Variants in CACNA1G observed in about 807,000 individuals in gnomAD.
CACNA1G encodes calcium voltage-gated channel subunit alpha1 G.
A neutral mutation model predicts 219.4 loss-of-function variants in CACNA1G; 67 were observed. The observed-to-expected ratio is 0.31, with a 90% CI of 0.25 to 0.37. The LOEUF is 0.37. Ranked by LOEUF, CACNA1G falls within the 10% of genes least tolerant of loss-of-function variation. The probability of loss-of-function intolerance (pLI) is 1.00; values close to 1 mark genes in which losing one functional copy is unlikely to be tolerated. For synonymous variants in CACNA1G, 1,296 were observed against 1,345.3 expected (o/e 0.96, Z 0.80); for missense variants, 2,380 against 3,231.4 (o/e 0.74, Z 6.39).
Position 50,578,688 on chromosome 17 carries a change from G to C in CACNA1G, c.2301+124G>C. 9.4e-6 allele frequency: 9 copies of C among 954,542 alleles called. No individual in the cohort carries two copies. The highest frequency in any genetic ancestry group is 1.4e-5 in the Non-Finnish European group (9 of 662,186). The allele number at this position is 954,542 out of a possible 1,614,324, so 59.1% of individuals were successfully genotyped here. On this transcript the variant is annotated intron_variant, in intron 9 of 37. Coordinates refer to ENST00000359106, the MANE Select transcript of CACNA1G (RefSeq NM_018896.5). This position sits in a 1 kb window ranked among gnomAD's most constrained non-coding sequence, Gnocchi z 4.5. ...CCTCTCCATGCTGCTAGCCCACCTG[G>C]CAGGTAGGAGGGGAGGTGGGTGATG...
chr17:50,568,764 A>T, intron 1 of CACNA1G, 106 bp from the exon 2 acceptor site: 1 of 838,258 alleles, frequency 1.2e-6, no homozygotes. Context: ...ACACCTGCTT[A>T]GCCTCAGATG....
At chr17:50,610,674 A>G (rs2146060129) in intron 26 of CACNA1G, among the ~76,000 whole-genome samples, 1 of 152,196 alleles carries the variant, frequency 6.6e-6, no homozygotes, top group Admixed American at 6.5e-5. Flanking sequence ...CTATGTCTCC[A>G]GCTGGTGGTT....
rs916169498 is a variant in CACNA1G, at chr17:50,578,969, G to A, written c.2301+405G>A. Among the ~76,000 whole-genome samples the A allele has an allele frequency of 7.9e-5, 12 of 152,100 alleles. No homozygotes were observed. The highest frequency in any genetic ancestry group is 6.2e-4 in the South Asian group (3 of 4,824). ...GGCATCCATCTGACCCACTAAGTCC[G>A]GGTGTGACTGATTGGAGGCAGGAGG... On this transcript the variant is annotated intron_variant, in intron 9 of 37. Coordinates refer to ENST00000359106, the MANE Select transcript of CACNA1G (RefSeq NM_018896.5). The surrounding 1 kb of genome is among the most constrained non-coding windows in gnomAD (Gnocchi z 4.5).
intron 13 of CACNA1G, among the ~76,000 whole-genome samples, chr17:50,593,652 C>T (rs2044848444): frequency 6.6e-6 from 1 of 152,234 alleles, no homozygotes; most frequent in Non-Finnish European, 1.5e-5. Context: ...TGTGAGGGCT[C>T]AACAAGGCCC....
intron 4 of CACNA1G, 58 bp downstream of exon 4, chr17:50,569,861 T>G: frequency 7.6e-7 from 1 of 1,307,842 alleles, no homozygotes; most frequent in Non-Finnish European, 1.1e-6. Context: ...AATGTGGAAC[T>G]CTCAGACCCC....
At chr17:50,612,258 A>G (rs1326999463) in intron 26 of CACNA1G, among the ~76,000 whole-genome samples, 1 of 152,228 alleles carries the variant, frequency 6.6e-6, no homozygotes, top group Non-Finnish European at 1.5e-5. Context: ...CCTCCCTGCT[A>G]GCACTCCTGT....
In CACNA1G at chr17:50,618,996, G is replaced by A. The variant is rs1469770898; in HGVS notation, c.5769G>A (p.Leu1923=). 8 of 1,530,034 alleles carry A rather than the reference G, an allele frequency of 5.2e-6. No homozygotes were observed. Among genetic ancestry groups the A allele is most frequent in the Middle Eastern group, 1.9e-4 (1 of 5,342 alleles). The allele number at this position is 1,530,034 out of a possible 1,614,324, so 94.8% of individuals were successfully genotyped here. A position where few individuals can be genotyped will look rare whatever the true frequency, so the allele number is the denominator to read the frequency against. The change falls in exon 33 of 38, where the codon CTG becomes CTA. Residue 1923 remains leucine, a synonymous_variant. Coordinates refer to ENST00000359106, the MANE Select transcript of CACNA1G (RefSeq NM_018896.5). The surrounding 1 kb of genome is among the most constrained non-coding windows in gnomAD (Gnocchi z 5.3). The part of the protein sequence containing the change: ...AHARSASHFS[L]EHPTDRQLFD... ...CGAGATCAGCCTCCCACTTTTCCCT[G>A]GAGCACCCCACGGTGAGCAGACACC...
Position 50,576,322 on chromosome 17 carries a change from T to C in CACNA1G, c.1920T>C (p.Ser640=), listed in dbSNP as rs1274844614. The change falls in exon 8 of 38, where the codon AGT becomes AGC. Residue 640 remains serine (S), a synonymous_variant. Coordinates refer to ENST00000359106, the MANE Select transcript of CACNA1G (RefSeq NM_018896.5). ...SSMHKLLETQ[S]TGACQSSCKI... ...TGCACAAGCTGCTGGAGACACAGAG[T>C]ACAGGTGAGAACTCTGGGTGGAGGC... The C allele has an allele frequency of 5.7e-6, 9 of 1,568,362 alleles. No homozygotes were observed. Among genetic ancestry groups the C allele is most frequent in the African/African-American group, 1.4e-5 (1 of 73,736 alleles).
intron 16 of CACNA1G, among the ~76,000 whole-genome samples, 171 bp downstream of exon 16, chr17:50,597,094 A>G (rs2045726163): frequency 6.6e-6 from 1 of 152,068 alleles, no homozygotes; most frequent in Admixed American, 6.5e-5. Flanking sequence ...GATGCAAACC[A>G]GGGTAGGAGC....
intron 16 of CACNA1G, among the ~76,000 whole-genome samples, chr17:50,599,212 G>A (rs931315547): frequency 5.9e-5 from 9 of 152,212 alleles, no homozygotes; most frequent in African/African-American, 1.4e-4. Flanking sequence ...TTACAGATGA[G>A]GAAACAGATG....
chr17:50,627,177 T>C lies in CACNA1G; in HGVS notation c.*426T>C, dbSNP rs2053948016. 1 of 455,544 alleles carries C rather than the reference T, an allele frequency of 2.2e-6. No homozygotes were observed. Among genetic ancestry groups the C allele is most frequent in the African/African-American group, 2.0e-5 (1 of 50,050 alleles). The allele number at this position is 455,544 out of a possible 1,614,324, so 28.2% of individuals were successfully genotyped here. ...GAAGGCGTCTGTCTCTTGGCTATTT[T>C]AACCTAAAATAACAGTCTAGTTATA... On this transcript the variant is annotated 3_prime_UTR_variant, in exon 38 of 38. Coordinates refer to ENST00000359106, the MANE Select transcript of CACNA1G (RefSeq NM_018896.5).
chr17:50,617,997 C>T lies in CACNA1G; in HGVS notation c.5227-51C>T. 1 of 1,612,408 alleles carries T rather than the reference C, an allele frequency of 6.2e-7. No homozygotes were observed. The highest frequency in any genetic ancestry group is 1.7e-5 in the Admixed American group (1 of 60,006). On this transcript the variant is annotated intron_variant, in intron 30 of 37. Transcript: ENST00000359106. This position sits in a 1 kb window ranked among gnomAD's most constrained non-coding sequence, Gnocchi z 5.8. ...TCCAGAGGGAAGGGGCTCAGAGAAG[C>T]TGACTGGGAGACCCAGCGGCATCGT...
At position 50,609,847 on chromosome 17, in the gene CACNA1G, CG is replaced by C. The variant is rs771448923; in HGVS notation, c.4706-33del. The C allele has an allele frequency of 5.0e-6, 8 of 1,602,850 alleles. No homozygotes were observed. In the African/African-American group the frequency reaches 6.7e-5, roughly 13 times the overall value. On this transcript the variant is annotated intron_variant, in intron 25 of 37. Coordinates refer to ENST00000359106, the MANE Select transcript of CACNA1G (RefSeq NM_018896.5). ...GGGGCCCTGCCCAGCGCACCTGGTC[CG>C]GCCAGTGACCAATGTCGTGTTTCGT...
At position 50,576,042 on chromosome 17, in the gene CACNA1G, C is replaced by G; in HGVS notation, c.1640C>G (p.Pro547Arg). 1 of 1,573,928 alleles carries G rather than the reference C, an allele frequency of 6.4e-7. No individual in the cohort carries two copies. The highest frequency in any genetic ancestry group is 1.2e-5 in the South Asian group (1 of 85,598). The change falls in exon 8 of 38, where the codon CCT becomes CGT. Residue 547 changes from proline to arginine, a missense_variant. Around this residue, in one of 17 missense-constraint regions of CACNA1G, gnomAD observed 434 missense variants for 417.3 expected, o/e 1.04. Coordinates refer to ENST00000359106, the MANE Select transcript of CACNA1G (RefSeq NM_018896.5). ...PSTPALSGAPPGGAESVHSFY... is the reference protein window; with the variant it reads ...PSTPALSGAPRGGAESVHSFY... ...ACGCCTGCCCTCTCCGGGGCCCCCC[C>G]TGGTGGCGCAGAGTCTGTGCACAGC...
chr17:50,618,609 A>G lies in CACNA1G; in HGVS notation c.5428-46A>G. ...TGACCTGATTTTCCACAACAGCTCC[A>G]ACAACTGTCCTCCCCAGCCTCACCC... is the stretch of plus-strand genomic sequence containing the variant. On this transcript the variant is annotated intron_variant, in intron 32 of 37. Transcript: ENST00000359106. This position sits in a 1 kb window ranked among gnomAD's most constrained non-coding sequence, Gnocchi z 5.3. 1 of 1,448,300 alleles carries G rather than the reference A, an allele frequency of 6.9e-7. No individual in the cohort carries two copies. Among genetic ancestry groups the G allele is most frequent in the Non-Finnish European group, 9.6e-7 (1 of 1,041,422 alleles). 89.7% of individuals were successfully genotyped at this position (1,448,300 alleles called of 1,614,324 possible).
chr17:50,580,921 A>G (rs198553), intron 9 of CACNA1G, among the ~76,000 whole-genome samples: 7,633 of 151,974 alleles, frequency 0.05, 250 homozygotes, highest in Non-Finnish European at 0.06. Context: ...CTGGAGCCTG[A>G]GCAGGCTGGG....
Position 50,626,748 on chromosome 17 carries a change from C to T in CACNA1G, c.7131C>T (p.Pro2377=). The T allele has an allele frequency of 6.2e-7, 1 of 1,613,120 alleles. No homozygotes were observed. The change falls in exon 38 of 38, where the codon CCC becomes CCT. Residue 2377 remains proline (P), a synonymous_variant. Transcript: ENST00000359106. This position sits in a 1 kb window ranked among gnomAD's most constrained non-coding sequence, Gnocchi z 4.3. The part of the protein sequence containing the change: ...GLSSDPADLD[P] Reference sequence around the variant, plus strand: ...CCTCTGACCCAGCAGACCTGGACCCCTGAGTCCTGCCCCACTTTCCCACTC... The same window carrying T: ...CCTCTGACCCAGCAGACCTGGACCCTTGAGTCCTGCCCCACTTTCCCACTC...
chr17:50,606,052 T>A (rs372346508), intron 23 of CACNA1G, 29 bp downstream of exon 23: 2 of 1,613,676 alleles, frequency 1.2e-6, no homozygotes, highest in Non-Finnish European at 1.7e-6. Context: ...GGTGGGGCTG[T>A]GGTGAAGGAG....
In CACNA1G at chr17:50,606,986, G is replaced by A; in HGVS notation, c.4509G>A (p.Gln1503=). 1 of 1,612,822 alleles carries A rather than the reference G, an allele frequency of 6.2e-7. No homozygotes were observed. Among genetic ancestry groups the A allele is most frequent in the Non-Finnish European group, 8.5e-7 (1 of 1,178,810 alleles). The part of the protein sequence containing the change: ...YDGLDAVGVD[Q]QPIMNHNPWM... ...GGCTGGATGCTGTGGGCGTGGACCA[G>A]CAGGTAGGGCTGAGGTGGGCAGGAT... The change falls in exon 24 of 38, where the codon CAG becomes CAA. Residue 1503 remains glutamine (Q), a synonymous_variant. Transcript: ENST00000359106.
Sources: allele counts gnomAD v4.1 joint callset (sites outside exome capture counted in the v4.1 genomes callset), GRCh38; gene constraint gnomAD v4.1.1; regional missense constraint gnomAD v4.1.1; non-coding constraint Gnocchi (gnomAD v3.1); transcripts MANE v1.5; gene names NCBI Gene and HGNC (gene_info 2026-07-23, HGNC 2026-07-21).